RALY: variants seen among roughly 807,000 people sequenced by gnomAD.
The protein encoded by RALY is RALY heterogeneous nuclear ribonucleoprotein.
A neutral mutation model predicts 30.7 loss-of-function variants in RALY; 15 were observed. The observed-to-expected ratio is 0.49, with a 90% CI of 0.33 to 0.75. The LOEUF (loss-of-function observed/expected upper bound fraction) is 0.75. RALY is among the 30% of genes least tolerant of loss of function. The pLI is 0.02. For synonymous variants in RALY, 177 were observed against 170.8 expected (o/e 1.04, Z -0.28); for missense variants, 339 against 414.3 (o/e 0.82, Z 1.58).
chr20:34,052,369 T>C (rs2033106047), intron 2 of RALY, among the ~76,000 whole-genome samples: 1 of 152,204 alleles, frequency 6.6e-6, no homozygotes, highest in South Asian at 2.1e-4. Context: ...AGTTCTTTAA[T>C]TTTTAAGATG....
Position 34,075,904 on chromosome 20 carries a change from C to T in RALY, c.408C>T (p.Pro136=), listed in dbSNP as rs151321462. The T allele has an allele frequency of 1.5e-4, 246 of 1,613,980 alleles. 1 individual carries two copies. The highest frequency in any genetic ancestry group is 7.5e-4 in the Admixed American group (45 of 59,998). ...RLFDYRGRLS[P]VPVPRAVPVK... ...TCGACTACCGGGGCCGTCTGTCGCC[C>T]GTGCCAGTGCCCAGGGCGGTCCCTG... The change falls in exon 6 of 10, where the codon CCC becomes CCT. Residue 136 remains proline (P), a synonymous_variant. Transcript: ENST00000246194.
chr20:34,066,414 G>A (rs1213295854), intron 2 of RALY, among the ~76,000 whole-genome samples: 1 of 152,192 alleles, frequency 6.6e-6, no homozygotes, highest in Non-Finnish European at 1.5e-5. Flanking sequence ...GGGAAGCGGA[G>A]GTTGCAGTGA....
chr20:33,994,577 C>G (rs1812168546), intron 1 of RALY, among the ~76,000 whole-genome samples: 1 of 152,242 alleles, frequency 6.6e-6, no homozygotes, highest in Admixed American at 6.5e-5. Flanking sequence ...ACTGGGTCTA[C>G]GGGCTCCCGG....
chr20:34,073,230 A>AT (rs1206520913), intron 3 of RALY, among the ~76,000 whole-genome samples: 1 of 150,506 alleles, frequency 6.6e-6, no homozygotes, highest in Non-Finnish European at 1.5e-5. Flanking sequence ...CATGTACCTG[A>AT]TGTGTTACGC....
intron 3 of RALY, 42 bp downstream of exon 3, chr20:34,072,372 T>C (rs764116732): frequency 2.5e-6 from 4 of 1,582,018 alleles, no homozygotes; most frequent in Non-Finnish European, 3.4e-6. Context: ...TTCTCTAGAA[T>C]AGCTGCTATC....
At chr20:33,998,900 G>T (rs1471295832) in intron 1 of RALY, among the ~76,000 whole-genome samples, 1 of 152,036 alleles carries the variant, frequency 6.6e-6, no homozygotes, top group Admixed American at 6.6e-5. Flanking sequence ...GCTGAGGTGG[G>T]TGGATCACCT....
intron 2 of RALY, among the ~76,000 whole-genome samples, chr20:34,070,777 C>T (rs1457078977): frequency 2.0e-5 from 3 of 152,128 alleles, no homozygotes; most frequent in African/African-American, 7.2e-5. Flanking sequence ...GTATTGTATA[C>T]CACCCTTAGC....
chr20:34,031,795 G>A (rs971978991), intron 2 of RALY, among the ~76,000 whole-genome samples, 191 bp downstream of exon 2: 2 of 152,164 alleles, frequency 1.3e-5, no homozygotes, highest in Non-Finnish European at 2.9e-5. Flanking sequence ...TCCTAGAATT[G>A]CCACAAGAAT....
intron 1 of RALY, among the ~76,000 whole-genome samples, chr20:34,007,436 G>A (rs1398013688): frequency 2.6e-5 from 4 of 151,024 alleles, no homozygotes; most frequent in Non-Finnish European, 4.4e-5. Context: ...CAGGAGAATC[G>A]CTTGAACCTG....
intron 2 of RALY, among the ~76,000 whole-genome samples, chr20:34,033,599 GA>G (rs1488156485): frequency 6.6e-6 from 1 of 152,096 alleles, no homozygotes; most frequent in African/African-American, 2.4e-5. Flanking sequence ...CAAAGAGAGT[GA>G]GAATTCACTC....
chr20:34,057,774 A>G (rs1188843897), intron 2 of RALY, among the ~76,000 whole-genome samples: 1 of 152,196 alleles, frequency 6.6e-6, no homozygotes, highest in Non-Finnish European at 1.5e-5. Flanking sequence ...GAATGGTAAT[A>G]AGAATGGAGA....
intron 2 of RALY, among the ~76,000 whole-genome samples, chr20:34,052,883 C>T (rs1434290110): frequency 1.3e-5 from 2 of 152,138 alleles, no homozygotes; most frequent in Non-Finnish European, 1.5e-5. Flanking sequence ...AGTTTCTGCT[C>T]CTCTGTCACC....
Position 34,084,334 on chromosome 20 carries a change from C to G in RALY, c.*4429C>G, listed in dbSNP as rs1009584226. 4 of 152,282 alleles carry G rather than the reference C, an allele frequency of 2.6e-5. No individual in the cohort carries two copies. The highest frequency in any genetic ancestry group is 6.5e-5 in the Admixed American group (1 of 15,284). The allele number at this position is 152,282 out of a possible 1,614,324, so 9.4% of individuals were successfully genotyped here. A position where few individuals can be genotyped will look rare whatever the true frequency, so the allele number is the denominator to read the frequency against. On this transcript the variant is annotated 3_prime_UTR_variant, in exon 10 of 10. Transcript: ENST00000246194. The stretch of plus-strand genomic sequence containing the variant: ...AGACCCCAACTCAAGGGGAAAAAAT[C>G]TGGTTTTCGGGCAGGTTCCAAGAAG...
At chr20:34,061,255 A>G (rs1164288867) in intron 2 of RALY, among the ~76,000 whole-genome samples, 1 of 152,174 alleles carries the variant, frequency 6.6e-6, no homozygotes, top group Non-Finnish European at 1.5e-5. Context: ...AGACCAAGAT[A>G]AAGCACCATT....
chr20:34,016,574 G>C (rs139398168), intron 1 of RALY: 13 of 152,294 alleles, frequency 8.5e-5, no homozygotes, highest in African/African-American at 2.4e-4. Context: ...TAGCCAGGTT[G>C]GGAAACACTT....
At chr20:34,069,351 C>T (rs2033663175) in intron 2 of RALY, among the ~76,000 whole-genome samples, 1 of 152,164 alleles carries the variant, frequency 6.6e-6, no homozygotes, top group East Asian at 1.9e-4. Flanking sequence ...ACTTGGCTCA[C>T]CAGTCAAGGT....
intron 1 of RALY, among the ~76,000 whole-genome samples, chr20:34,011,027 C>A (rs1395574651): frequency 3.4e-5 from 1 of 29,028 alleles, no homozygotes; most frequent in East Asian, 8.0e-4. Flanking sequence ...AATGAATAAA[C>A]TGGGTGGGGG....
intron 2 of RALY, among the ~76,000 whole-genome samples, chr20:34,040,904 G>A (rs771504625): frequency 5.3e-4 from 80 of 152,250 alleles, no homozygotes; most frequent in South Asian, 1.0e-3. Flanking sequence ...CTCTGGCCAC[G>A]GCCCTTCCAG....
chr20:34,038,512 A>C (rs1391456402), intron 2 of RALY, among the ~76,000 whole-genome samples: 1 of 152,178 alleles, frequency 6.6e-6, no homozygotes, highest in Non-Finnish European at 1.5e-5. Flanking sequence ...ATTATCTGTC[A>C]TTGTATTATT....
Sources: gnomAD v4.1 joint callset for allele counts (sites outside exome capture counted in the v4.1 genomes callset) on GRCh38, gnomAD v4.1.1 for gene constraint, MANE v1.5 for transcripts, NCBI Gene and HGNC (gene_info 2026-07-23, HGNC 2026-07-21) for gene names.